TTBK2: variants seen among roughly 807,000 people sequenced by gnomAD.
The protein encoded by TTBK2 is tau-tubulin kinase 2.
A neutral mutation model predicts 110.8 loss-of-function variants in TTBK2; 28 were observed. The ratio of observed to expected loss-of-function variants is 0.25; its 90% CI spans 0.19 to 0.35. The LOEUF is 0.35. TTBK2 is among the 10% of genes least tolerant of loss of function. TTBK2 has a pLI of 1.00. For missense variants in TTBK2, 1,369 were observed against 1,500.3 expected (o/e 0.91, Z 1.45); for synonymous variants, 532 against 527.3 (o/e 1.01, Z -0.12).
intron 4 of TTBK2, among the ~76,000 whole-genome samples, chr15:42,831,239 T>C (rs1293387550): frequency 1.3e-5 from 2 of 151,954 alleles, no homozygotes; most frequent in Non-Finnish European, 2.9e-5. Context: ...TTTTGTGTGT[T>C]TTTTGTTTTT....
At chr15:42,760,993 C>G (rs1206369851) in intron 13 of TTBK2, among the ~76,000 whole-genome samples, 2 of 152,130 alleles carry the variant, frequency 1.3e-5, no homozygotes, top group Non-Finnish European at 2.9e-5. Flanking sequence ...GACACATAGA[C>G]CAACAGAACA....
At chr15:42,876,860 T>G (rs1263593684) in intron 2 of TTBK2, among the ~76,000 whole-genome samples, 1 of 152,188 alleles carries the variant, frequency 6.6e-6, no homozygotes, top group Admixed American at 6.5e-5. Context: ...GAAGACAATG[T>G]GAAGTGTGTC....
intron 3 of TTBK2, among the ~76,000 whole-genome samples, chr15:42,870,891 A>G (rs1894589658): frequency 6.6e-6 from 1 of 152,040 alleles, no homozygotes; most frequent in Non-Finnish European, 1.5e-5. Context: ...TATCCCAGCT[A>G]TCAAAAATTG....
At chr15:42,815,914 AT>A (rs1567040327) in intron 7 of TTBK2, among the ~76,000 whole-genome samples, 69 of 101,394 alleles carry the variant, frequency 6.8e-4, no homozygotes, top group African/African-American at 3.2e-3. Flanking sequence ...ATATTTAAAA[AT>A]ATATATATAT....
chr15:42,766,689 C>T (rs1220486799), intron 13 of TTBK2, among the ~76,000 whole-genome samples: 1 of 152,060 alleles, frequency 6.6e-6, no homozygotes, highest in Non-Finnish European at 1.5e-5. Context: ...TAATGGGAGA[C>T]TTTAACACCC....
At chr15:42,763,554 G>A (rs1460933962) in intron 13 of TTBK2, among the ~76,000 whole-genome samples, 1 of 151,770 alleles carries the variant, frequency 6.6e-6, no homozygotes, top group Non-Finnish European at 1.5e-5. Context: ...AAAGGATATC[G>A]AATGCTCCCA....
intron 4 of TTBK2, among the ~76,000 whole-genome samples, chr15:42,833,879 C>A (rs954010748): frequency 6.6e-6 from 1 of 151,844 alleles, no homozygotes; most frequent in African/African-American, 2.4e-5. Context: ...GTGTTGGCAG[C>A]GCGTGCCTGT....
intron 3 of TTBK2, among the ~76,000 whole-genome samples, chr15:42,848,880 T>C (rs547651175): frequency 2.9e-4 from 44 of 152,368 alleles, no homozygotes; most frequent in Middle Eastern, 3.4e-3. Flanking sequence ...AATTGTTCAT[T>C]GCTAGTACAC....
Position 42,775,343 on chromosome 15 carries a change from T to A in TTBK2, c.1790A>T (p.Lys597Met). The stretch of plus-strand genomic sequence containing the variant: ...TTCTGCCCAAGGACCTAACTGGAGC[T>A]TTTCATCTTGAGGTGATGCCTCCAG... ...QVLEASPQDE[K>M]LQLGPWAEND... is the part of the protein sequence containing the mutation. Residue 597 changes from lysine (K) to methionine (M), a missense_variant, in exon 13 of 15, where the codon AAG (lysine) becomes ATG (methionine). Coordinates refer to ENST00000267890, the MANE Select transcript of TTBK2 (RefSeq NM_173500.4). The A allele has an allele frequency of 6.2e-7, 1 of 1,614,192 alleles. No homozygotes were observed. Among genetic ancestry groups the A allele is most frequent in the Non-Finnish European group, 8.5e-7 (1 of 1,180,036 alleles).
chr15:42,754,089 T>C (rs2061908395), intron 13 of TTBK2, among the ~76,000 whole-genome samples: 1 of 150,450 alleles, frequency 6.6e-6, no homozygotes, highest in African/African-American at 2.4e-5. Context: ...TGTTTTCTTT[T>C]TTTTTTTTTT....
chr15:42,768,367 T>A (rs560660665), intron 13 of TTBK2, among the ~76,000 whole-genome samples: 74 of 148,584 alleles, frequency 5.0e-4, no homozygotes, highest in African/African-American at 1.7e-3. Context: ...GAAAACCCCA[T>A]CATCTCAGCC....
intron 11 of TTBK2, among the ~76,000 whole-genome samples, chr15:42,780,019 T>C (rs1415079887): frequency 1.3e-5 from 2 of 150,620 alleles, no homozygotes; most frequent in Non-Finnish European, 3.0e-5. Context: ...TTCAAGTCAT[T>C]CTTCTTTGTT....
At chr15:42,771,513 G>A (rs920812248) in intron 13 of TTBK2, among the ~76,000 whole-genome samples, 3 of 152,056 alleles carry the variant, frequency 2.0e-5, no homozygotes, top group Non-Finnish European at 4.4e-5. Flanking sequence ...GAAGTATAGC[G>A]TAAAGCCTGG....
At position 42,859,130 on chromosome 15, in the gene TTBK2, G is replaced by C. The variant is rs1349574598; in HGVS notation, c.217+13481C>G. ...TTAATTTTTGTATTTTATCAGGCAG[G>C]GTGTTACTCTGTTGCCCAGGCTGGA... On this transcript the variant is annotated intron_variant, in intron 3 of 14. Transcript: ENST00000267890. Among the ~76,000 whole-genome samples, 10 of 151,842 alleles carry C rather than the reference G, an allele frequency of 6.6e-5. No individual in the cohort carries two copies. In the East Asian group the frequency reaches 1.9e-3, roughly 29 times the overall value.
Position 42,817,039 on chromosome 15 carries a change from C to T in TTBK2, c.596G>A (p.Arg199Gln), listed in dbSNP as rs749726545. Residue 199 changes from arginine to glutamine, a missense_variant, in exon 7 of 15, where the codon CGG becomes CAG. Arg to Gln is a conservative substitution (Grantham distance 43). Around this residue, in one of 4 missense-constraint regions of TTBK2, gnomAD observed 138 missense variants for 179.0 expected, o/e 0.77. Transcript: ENST00000267890. ...TCTAGTTCAGATACCTACCCTGTTC[C>T]GATGTGCGTTGATTGATGCATAACG... ...TVRYASINAH[R>Q]NREMGRHDDL... 3.1e-6 allele frequency: 5 copies of T among 1,602,640 alleles called. No homozygotes were observed. In the South Asian group the frequency reaches 3.3e-5, roughly 11 times the overall value.
At chr15:42,890,777 C>T (rs1199546328) in intron 1 of TTBK2, among the ~76,000 whole-genome samples, 1 of 152,152 alleles carries the variant, frequency 6.6e-6, no homozygotes, top group Admixed American at 6.5e-5. Context: ...GAACCTTCAT[C>T]TCCACCTCCC....
At chr15:42,842,603 A>G (rs1335186451) in intron 3 of TTBK2, among the ~76,000 whole-genome samples, 3 of 152,056 alleles carry the variant, frequency 2.0e-5, no homozygotes, top group African/African-American at 7.2e-5. Context: ...AAGACTCAGC[A>G]AAGCCAGGTG....
Position 42,877,154 on chromosome 15 carries a change from G to T in TTBK2, c.69+1395C>A, listed in dbSNP as rs187614974. Among the ~76,000 whole-genome samples the T allele has an allele frequency of 2.6e-5, 4 of 152,170 alleles. No homozygotes were observed. In the East Asian group the frequency reaches 7.7e-4, roughly 29 times the overall value. Reference sequence around the variant, plus strand: ...TATAGATACATTTCAACTAATAAATGAATTATGGAATATCACCAATCTGCA... The same window carrying T: ...TATAGATACATTTCAACTAATAAATTAATTATGGAATATCACCAATCTGCA... On this transcript the variant is annotated intron_variant, in intron 2 of 14. Coordinates refer to ENST00000267890, the MANE Select transcript of TTBK2 (RefSeq NM_173500.4).
chr15:42,819,443 T>C (rs1892195842), intron 6 of TTBK2, among the ~76,000 whole-genome samples: 1 of 152,238 alleles, frequency 6.6e-6, no homozygotes, highest in African/African-American at 2.4e-5. Context: ...TGCTCATTTT[T>C]ATAATCTATG....
Sources: allele counts gnomAD v4.1 joint callset (sites outside exome capture counted in the v4.1 genomes callset), GRCh38; gene constraint gnomAD v4.1.1; regional missense constraint gnomAD v4.1.1; transcripts MANE v1.5; gene names NCBI Gene and HGNC (gene_info 2026-07-23, HGNC 2026-07-21).